The following PCDHGA4 variants were observed in gnomAD, a reference collection of about 807,000 sequenced individuals.
The protein encoded by PCDHGA4 is protocadherin gamma subfamily A, 4.
A neutral mutation model predicts 54.6 loss-of-function variants in PCDHGA4; 38 were observed. The ratio of observed to expected loss-of-function variants is 0.70; its 90% confidence interval spans 0.54 to 0.91. The LOEUF (loss-of-function observed/expected upper bound fraction) is 0.91. PCDHGA4 is among the 40% of genes least tolerant of loss of function. The pLI is 0.00. For missense variants in PCDHGA4, 1,298 were observed against 1,220.9 expected, an observed-to-expected ratio of 1.06 and a Z score of -0.94; for synonymous variants, 511 against 512.9, an observed-to-expected ratio of 1.00 and a Z score of 0.05.
intron 1 of PCDHGA4, chr5:141,360,071 C>G (rs1437890695): frequency 6.8e-7 from 1 of 1,472,642 alleles, no homozygotes; most frequent in Non-Finnish European, 9.0e-7. Context: ...TGACCTTAGC[C>G]CGGATTCTGC....
intron 1 of PCDHGA4, among the ~76,000 whole-genome samples, chr5:141,473,736 G>A (rs1278322296): frequency 1.3e-5 from 2 of 152,202 alleles, no homozygotes; most frequent in Non-Finnish European, 2.9e-5. Flanking sequence ...AGAGGGAGAA[G>A]ACATGAGAAC....
intron 1 of PCDHGA4, chr5:141,372,361 C>T (rs1227917364): frequency 1.2e-6 from 2 of 1,613,834 alleles, no homozygotes; most frequent in Admixed American, 3.3e-5. Flanking sequence ...CCTCTTTCAG[C>T]CACCGTCATG....
At chr5:141,506,609 T>C (rs1375963880) in intron 3 of PCDHGA4, among the ~76,000 whole-genome samples, 1 of 152,184 alleles carries the variant, frequency 6.6e-6, no homozygotes, top group African/African-American at 2.4e-5. Context: ...GATCTCATTG[T>C]GGTGTTACCA....
intron 1 of PCDHGA4, among the ~76,000 whole-genome samples, chr5:141,475,732 C>T (rs2099367914): frequency 6.6e-6 from 1 of 152,248 alleles, no homozygotes; most frequent in Non-Finnish European, 1.5e-5. Context: ...GCTGGCTTTC[C>T]CTAAGGTAGG....
At chr5:141,371,869 T>C (rs1159672282) in intron 1 of PCDHGA4, 2 of 1,613,426 alleles carry the variant, frequency 1.2e-6, no homozygotes, top group African/African-American at 1.3e-5. Flanking sequence ...TACTACATCG[T>C]GGCCAGTGAC....
intron 1 of PCDHGA4, chr5:141,384,677 C>T (rs919957351): frequency 2.5e-6 from 4 of 1,614,188 alleles, no homozygotes; most frequent in South Asian, 1.1e-5. Context: ...AAGGTGGTGG[C>T]GGTGGACAAA....
Position 141,355,975 on chromosome 5 carries a change from A to C in PCDHGA4, c.868A>C (p.Thr290Pro), listed in dbSNP as rs1283437622. 6.2e-7 allele frequency: 1 copy of C among 1,613,828 alleles called. No homozygotes were observed. Among genetic ancestry groups the C allele is most frequent in the Admixed American group, 1.7e-5 (1 of 60,016 alleles). The change falls in exon 1 of 4, where the codon ACT (threonine) becomes CCT (proline). Residue 290 changes from threonine (T) to proline (P), a missense_variant. By Grantham distance (38) the Thr-to-Pro change is conservative (BLOSUM62 -1). Transcript: ENST00000571252. ...VSVRENVPVG[T>P]RLLTVKATDP... ...TGTTCGTGAGAACGTTCCTGTAGGC[A>C]CTCGGCTACTCACCGTAAAAGCCAC...
intron 1 of PCDHGA4, among the ~76,000 whole-genome samples, chr5:141,463,191 C>T (rs2099054821): frequency 6.6e-6 from 1 of 152,100 alleles, no homozygotes; most frequent in Non-Finnish European, 1.5e-5. Flanking sequence ...TATTATTTAG[C>T]CAAAGACTTG....
intron 1 of PCDHGA4, chr5:141,412,306 A>G (rs1160364599): frequency 1.3e-5 from 2 of 152,238 alleles, no homozygotes; most frequent in Non-Finnish European, 2.9e-5. Flanking sequence ...TCTCATTACA[A>G]TGCAAACAGT....
Position 141,431,646 on chromosome 5 carries a change from G to A in PCDHGA4, c.2515-63161G>A. ...GCGGCCCAAGTTTTCAAACTAGATT[G>A]TAATTCAGGGACAATATCAACAATA... On this transcript the variant is annotated intron_variant, in intron 1 of 3. Coordinates refer to ENST00000571252, the MANE Select transcript of PCDHGA4 (RefSeq NM_018917.4). The surrounding 1 kb of genome is among the most constrained non-coding windows in gnomAD (Gnocchi z 4.8). 2 of 1,614,252 alleles carry A rather than the reference G, an allele frequency of 1.2e-6. No individual in the cohort carries two copies. Among genetic ancestry groups the A allele is most frequent in the Non-Finnish European group, 1.7e-6 (2 of 1,180,046 alleles).
intron 1 of PCDHGA4, chr5:141,433,358 C>CCTATCTATCTATCTATCTATCTAT: frequency 9.9e-6 from 5 of 503,368 alleles, no homozygotes; most frequent in South Asian, 2.6e-5. Flanking sequence ...CTACTGTCTG[C>CCTATCTATCTATCTATCTATCTAT]CTATCTATCT....
chr5:141,431,736 G>T lies in PCDHGA4; in HGVS notation c.2515-63071G>T. On this transcript the variant is annotated intron_variant, in intron 1 of 3. Transcript: ENST00000571252. The surrounding 1 kb of genome is among the most constrained non-coding windows in gnomAD (Gnocchi z 4.8). ...GAAGTGCAAGCAATGGATAATGCAG[G>T]ATATTCTGCGCGAGCCAAAGTCCTG... 1 of 1,614,218 alleles carries T rather than the reference G, an allele frequency of 6.2e-7. No individual in the cohort carries two copies. The highest frequency in any genetic ancestry group is 8.5e-7 in the Non-Finnish European group (1 of 1,180,046).
At position 141,490,155 on chromosome 5, in the gene PCDHGA4, G is replaced by A. The variant is rs753981059; in HGVS notation, c.2515-4652G>A. On this transcript the variant is annotated intron_variant, in intron 1 of 3. Transcript: ENST00000571252. This position sits in a 1 kb window ranked among gnomAD's most constrained non-coding sequence, Gnocchi z 5.4. ...CTAGCAGTGGGGCAATCCATGTGTT[G>A]GGTCCCATAGACTTTGAGGAGTCAC... 2 of 1,614,214 alleles carry A rather than the reference G, an allele frequency of 1.2e-6. No individual in the cohort carries two copies. The highest frequency in any genetic ancestry group is 1.1e-5 in the South Asian group (1 of 91,086).
intron 1 of PCDHGA4, chr5:141,394,242 CACGACCCCG>C (rs1450725417): frequency 1.2e-6 from 2 of 1,613,838 alleles, no homozygotes; most frequent in Non-Finnish European, 1.7e-6. Flanking sequence ...CTTGACTGCA[CACGACCCCG>C]ACAGCCAGGA....
intron 1 of PCDHGA4, chr5:141,384,384 C>G: frequency 6.2e-7 from 1 of 1,613,934 alleles, no homozygotes; most frequent in African/African-American, 1.3e-5. Flanking sequence ...CCGAAGACAC[C>G]ATCCAGGGGG....
At chr5:141,433,208 CTTT>C (rs745329085) in intron 1 of PCDHGA4, 6 of 1,292,918 alleles carry the variant, frequency 4.6e-6, no homozygotes, top group East Asian at 2.6e-5. Flanking sequence ...AATCTTCTTT[CTTT>C]TTTTTTTTTA....
intron 1 of PCDHGA4, chr5:141,403,336 C>T (rs2094393288): frequency 1.9e-6 from 3 of 1,614,032 alleles, no homozygotes; most frequent in Non-Finnish European, 2.5e-6. Flanking sequence ...ATATTAACGA[C>T]AGCGCCCCAA....
At chr5:141,428,163 C>T (rs759273230) in intron 1 of PCDHGA4, 77 of 1,564,636 alleles carry the variant, frequency 4.9e-5, no homozygotes, top group Non-Finnish European at 6.3e-5. Flanking sequence ...CTGCTGGTTG[C>T]TGTGCGTGAC....
At chr5:141,360,150 A>G (rs1761441721) in intron 1 of PCDHGA4, 2 of 1,602,638 alleles carry the variant, frequency 1.2e-6, no homozygotes, top group Admixed American at 3.4e-5. Flanking sequence ...AAGCGAGCTC[A>G]GGGAGGTGCG....
Sources: gnomAD v4.1 joint callset for allele counts (sites outside exome capture counted in the v4.1 genomes callset) on GRCh38, gnomAD v4.1.1 for gene constraint, Gnocchi (gnomAD v3.1) non-coding constraint, MANE v1.5 for transcripts, NCBI Gene and HGNC (gene_info 2026-07-23, HGNC 2026-07-21) for gene names.